Variants in CREBBP observed in about 807,000 individuals in gnomAD.
The protein encoded by CREBBP is CREB-binding protein.
CREBBP carries 19 observed loss-of-function variants against 265.0 expected under a neutral mutation model. The observed-to-expected ratio is 0.07, with a 90% confidence interval of 0.05 to 0.11. The LOEUF (loss-of-function observed/expected upper bound fraction) is 0.11. CREBBP is among the 10% of genes least tolerant of loss of function. The pLI is 1.00. For missense variants in CREBBP, 2,525 were observed against 3,219.0 expected (o/e 0.78, Z 5.22); for synonymous variants, 1,457 against 1,223.7 (o/e 1.19, Z -3.98).
intron 1 of CREBBP, among the ~76,000 whole-genome samples, chr16:3,862,446 T>C (rs959656746): frequency 1.3e-5 from 2 of 152,146 alleles, no homozygotes; most frequent in Non-Finnish European, 2.9e-5. Flanking sequence ...AGTGACACAA[T>C]CTCGGGTTAT....
chr16:3,798,814 C>G (rs2053656806), intron 3 of CREBBP, among the ~76,000 whole-genome samples: 1 of 152,220 alleles, frequency 6.6e-6, no homozygotes, highest in South Asian at 2.1e-4. Flanking sequence ...CACATGACCT[C>G]TGCAATTCCT....
At chr16:3,854,915 G>A (rs192946373) in intron 1 of CREBBP, among the ~76,000 whole-genome samples, 11 of 152,336 alleles carry the variant, frequency 7.2e-5, no homozygotes, top group African/African-American at 2.4e-4. Flanking sequence ...AAGAAAAACC[G>A]AGACTGAGAG....
intron 1 of CREBBP, among the ~76,000 whole-genome samples, chr16:3,879,006 G>T (rs1393156653): frequency 8.0e-6 from 1 of 124,356 alleles, no homozygotes; most frequent in East Asian, 2.4e-4. Flanking sequence ...CCATTTTTTT[G>T]AAAAATTGGA....
intron 16 of CREBBP, chr16:3,761,689 G>A (rs1419617993): frequency 2.4e-5 from 11 of 461,948 alleles, no homozygotes; most frequent in East Asian, 6.7e-5. Context: ...CACTCCCCAC[G>A]CACACGGTCC....
chr16:3,732,601 G>A (rs879874370), intron 28 of CREBBP, among the ~76,000 whole-genome samples: 4 of 152,094 alleles, frequency 2.6e-5, no homozygotes, highest in Admixed American at 2.6e-4. Flanking sequence ...TGCTCTTGTT[G>A]CCAGGCTGGA....
At chr16:3,856,244 GC>G (rs1409367157) in intron 1 of CREBBP, among the ~76,000 whole-genome samples, 1 of 152,158 alleles carries the variant, frequency 6.6e-6, no homozygotes, top group East Asian at 1.9e-4. Context: ...TCCCGCTTCA[GC>G]CCCCTATAGC....
At chr16:3,746,261 T>C (rs1596826259) in intron 21 of CREBBP, among the ~76,000 whole-genome samples, 2 of 152,014 alleles carry the variant, frequency 1.3e-5, no homozygotes, top group African/African-American at 4.8e-5. Flanking sequence ...TTGCACGTGC[T>C]ATGCAAGCCC....
chr16:3,851,623 G>C lies in CREBBP; in HGVS notation c.86-614C>G, dbSNP rs995868469. On this transcript the variant is annotated intron_variant, in intron 1 of 30. Coordinates refer to ENST00000262367, the MANE Select transcript of CREBBP (RefSeq NM_004380.3). Reference sequence around the variant, plus strand: ...TAATCCCAGCACTTTGGGAGGCTGAGGCAGGCGGATCACGAGGTCAGGAGA... The same window carrying C: ...TAATCCCAGCACTTTGGGAGGCTGACGCAGGCGGATCACGAGGTCAGGAGA... 2.6e-5 allele frequency among the ~76,000 whole-genome samples: 4 copies of C among 152,230 alleles called. No homozygotes were observed. The East Asian group carries it at 5.8e-4, about 22-fold the overall frequency.
chr16:3,846,788 G>A (rs1597045734), intron 2 of CREBBP, among the ~76,000 whole-genome samples: 1 of 152,088 alleles, frequency 6.6e-6, no homozygotes, highest in African/African-American at 2.4e-5. Context: ...CTCTCTCTAC[G>A]CCTCTATACG....
chr16:3,837,364 C>T (rs887580505), intron 2 of CREBBP, among the ~76,000 whole-genome samples: 7 of 152,094 alleles, frequency 4.6e-5, no homozygotes, highest in Admixed American at 4.6e-4. Context: ...ACCTGTAATC[C>T]CAGCACTTCG....
intron 3 of CREBBP, among the ~76,000 whole-genome samples, chr16:3,802,971 C>T (rs1480294935): frequency 1.3e-5 from 2 of 151,998 alleles, no homozygotes; most frequent in East Asian, 3.9e-4. Context: ...TAAGGACCTA[C>T]AACAGCTGGG....
chr16:3,807,113 C>A (rs1030430644), intron 3 of CREBBP, among the ~76,000 whole-genome samples: 9 of 152,332 alleles, frequency 5.9e-5, no homozygotes, highest in African/African-American at 2.2e-4. Context: ...TCCCAGTTGC[C>A]TTCTGGGGAG....
At chr16:3,754,746 C>G (rs758392154) in intron 19 of CREBBP, among the ~76,000 whole-genome samples, 2 of 152,128 alleles carry the variant, frequency 1.3e-5, no homozygotes, top group South Asian at 4.1e-4. Flanking sequence ...AGTATGAAAA[C>G]AAGTGAAAAT....
chr16:3,816,393 C>A (rs914478897), intron 2 of CREBBP, among the ~76,000 whole-genome samples: 1 of 152,146 alleles, frequency 6.6e-6, no homozygotes, highest in African/African-American at 2.4e-5. Context: ...AACCACTGCC[C>A]CCAAGAAAGA....
rs996545213 is a variant in CREBBP at position 3,726,997 on chromosome 16, A to C, written c.*721T>G. The C allele has an allele frequency of 3.4e-5, 8 of 233,596 alleles. No individual in the cohort carries two copies. Among genetic ancestry groups the C allele is most frequent in the African/African-American group, 6.6e-5 (3 of 45,356 alleles). 14.5% of individuals were successfully genotyped at this position (233,596 alleles called of 1,614,324 possible). A position where few individuals can be genotyped will look rare whatever the true frequency, so the allele number is the denominator to read the frequency against. On this transcript the variant is annotated 3_prime_UTR_variant, in exon 31 of 31. Transcript: ENST00000262367. Reference sequence around the variant, plus strand: ...AGTTTCACATAGAAGAAAGAAAAGAAGGCTTCTTCTCTAGTAACATTAGCA... The same window carrying C: ...AGTTTCACATAGAAGAAAGAAAAGACGGCTTCTTCTCTAGTAACATTAGCA...
intron 10 of CREBBP, 129 bp downstream of exon 10, chr16:3,777,882 G>T: frequency 8.1e-7 from 1 of 1,231,126 alleles, no homozygotes; most frequent in African/African-American, 1.5e-5. Flanking sequence ...CAGGGCCACT[G>T]CCACATCAAC....
rs767144004 is a variant in CREBBP at position 3,749,597 on chromosome 16, A to T, written c.3836+30T>A. On this transcript the variant is annotated intron_variant, in intron 21 of 30. Coordinates refer to ENST00000262367, the MANE Select transcript of CREBBP (RefSeq NM_004380.3). ...CTTTACCGATTTCAAACCAAAACTG[A>T]AAGTAAAAAAGAAATAGCTATATAC... 1.6e-5 allele frequency: 24 copies of T among 1,536,016 alleles called. No individual in the cohort carries two copies. In the Admixed American group the frequency reaches 4.0e-4, roughly 26 times the overall value.
At position 3,880,623 on chromosome 16, in the gene CREBBP, T is replaced by C. The variant is rs914112489; in HGVS notation, c.-707A>G. ...CGGGCGGAGCGGGGTGCGCGGGCGG[T>C]TGTGGGGCCCGGGACCGGCGGGGCC... is the stretch of plus-strand genomic sequence containing the variant. On this transcript the variant is annotated 5_prime_UTR_variant, in exon 1 of 31. Transcript: ENST00000262367. 6.9e-6 allele frequency: 1 copy of C among 145,396 alleles called. No homozygotes were observed. Among genetic ancestry groups the C allele is most frequent in the East Asian group, 2.0e-4 (1 of 4,912 alleles). The allele number at this position is 145,396 out of a possible 1,614,324, so 9.0% of individuals were successfully genotyped here.
At chr16:3,855,878 G>A (rs1204986385) in intron 1 of CREBBP, among the ~76,000 whole-genome samples, 2 of 152,190 alleles carry the variant, frequency 1.3e-5, no homozygotes, top group Non-Finnish European at 2.9e-5. Context: ...CATAACTACT[G>A]TTTTGTTTGT....
Sources: gnomAD v4.1 joint callset for allele counts (sites outside exome capture counted in the v4.1 genomes callset) on GRCh38, gnomAD v4.1.1 for gene constraint, MANE v1.5 for transcripts, NCBI Gene and HGNC (gene_info 2026-07-23, HGNC 2026-07-21) for gene names.